The following CACNA2D1 variants were observed in gnomAD, a reference collection of about 807,000 sequenced individuals.
The protein encoded by CACNA2D1 is calcium voltage-gated channel auxiliary subunit alpha2delta 1.
Under a neutral mutation model 171.5 loss-of-function variants are expected in CACNA2D1, and 53 were observed. The ratio of observed to expected loss-of-function variants is 0.31; its 90% CI spans 0.25 to 0.39. The LOEUF is 0.39. CACNA2D1 is among the 10% of genes least tolerant of loss of function. The pLI, the probability that CACNA2D1 is intolerant of heterozygous loss-of-function variation, is 1.00. For missense variants in CACNA2D1, 903 were observed against 1,299.8 expected (o/e 0.69, Z 4.69); for synonymous variants, 442 against 443.1 (o/e 1.00, Z 0.03).
At chr7:82,366,041 C>A (rs1821661276) in intron 1 of CACNA2D1, among the ~76,000 whole-genome samples, 1 of 152,112 alleles carries the variant, frequency 6.6e-6, no homozygotes, top group Non-Finnish European at 1.5e-5. Flanking sequence ...GAAAAGGAAC[C>A]AAATGGCAAA....
At chr7:82,180,110 G>A (rs141431918) in intron 3 of CACNA2D1, among the ~76,000 whole-genome samples, 2,197 of 152,240 alleles carry the variant, frequency 0.014, 45 homozygotes, top group African/African-American at 0.049. Context: ...CACATGAACA[G>A]AGGCAAAGAG....
At chr7:82,329,594 C>T (rs886560324) in intron 3 of CACNA2D1, among the ~76,000 whole-genome samples, 7 of 152,092 alleles carry the variant, frequency 4.6e-5, no homozygotes, top group African/African-American at 1.4e-4. Flanking sequence ...TTCATTAACA[C>T]TTGCAGATAT....
chr7:81,978,753 G>GTGTGTATATA (rs145105210), intron 24 of CACNA2D1, among the ~76,000 whole-genome samples: 5 of 139,476 alleles, frequency 3.6e-5, no homozygotes, highest in East Asian at 4.3e-4. Context: ...TTTAAAAAGT[G>GTGTGTATATA]TATATATATA....
chr7:82,001,679 T>C lies in CACNA2D1; in HGVS notation c.1590+3744A>G. 1.6e-6 allele frequency: 2 copies of C among 1,271,224 alleles called. 1 individual carries two copies. Among genetic ancestry groups the C allele is most frequent in the South Asian group, 2.5e-5 (2 of 81,570 alleles). 78.7% of individuals were successfully genotyped at this position (1,271,224 alleles called of 1,614,324 possible). ...GTTACCTGGATATTGGGTCTCCTTT[T>C]TCTTAAATTAATTGTTGGTATACCT... is the stretch of plus-strand genomic sequence containing the variant. On this transcript the variant is annotated intron_variant, in intron 18 of 38. Coordinates refer to ENST00000356860, the MANE Select transcript of CACNA2D1 (RefSeq NM_000722.4).
intron 10 of CACNA2D1, among the ~76,000 whole-genome samples, chr7:82,054,214 T>G (rs1021041430): frequency 1.3e-5 from 2 of 151,886 alleles, no homozygotes; most frequent in Non-Finnish European, 2.9e-5. Context: ...AGAAATCATT[T>G]TAAAGCATTT....
chr7:82,226,621 T>C (rs1428369140), intron 3 of CACNA2D1, among the ~76,000 whole-genome samples: 1 of 152,114 alleles, frequency 6.6e-6, no homozygotes, highest in Non-Finnish European at 1.5e-5. Context: ...GGGAGCTCAT[T>C]CAATCGTGCA....
chr7:81,960,454 G>A (rs1373131353), intron 36 of CACNA2D1, among the ~76,000 whole-genome samples: 1 of 151,924 alleles, frequency 6.6e-6, no homozygotes, highest in Non-Finnish European at 1.5e-5. Context: ...ACTGCACTGG[G>A]CAACACAGAC....
At chr7:81,950,558 CTTGAAAAATA>C (rs1474361416) in intron 38 of CACNA2D1, 50 bp from the exon 39 acceptor site, 1 of 1,555,996 alleles carries the variant, frequency 6.4e-7, no homozygotes, top group Non-Finnish European at 8.7e-7. Context: ...ATCTAAAAAT[CTTGAAAAATA>C]TTTAGTAACA....
intron 10 of CACNA2D1, among the ~76,000 whole-genome samples, chr7:82,053,087 C>T (rs1401590575): frequency 1.3e-5 from 2 of 151,968 alleles, no homozygotes; most frequent in Middle Eastern, 6.8e-3. Context: ...CCCGTCTCTA[C>T]TAAAAATACA....
At chr7:82,100,036 A>T (rs1283409181) in intron 6 of CACNA2D1, among the ~76,000 whole-genome samples, 2 of 152,168 alleles carry the variant, frequency 1.3e-5, no homozygotes, top group Admixed American at 6.5e-5. Flanking sequence ...AAACCTGCAC[A>T]TCCTGCACAT....
intron 3 of CACNA2D1, among the ~76,000 whole-genome samples, chr7:82,238,970 A>G (rs1275260472): frequency 1.3e-5 from 2 of 152,074 alleles, no homozygotes; most frequent in Admixed American, 1.3e-4. Context: ...ATTGAATGAA[A>G]ATAAAATCAT....
rs765644359 is a variant in CACNA2D1, at chr7:82,005,504, AAG to A, written c.1516-9_1516-8del. On this transcript the variant is annotated splice_region_variant and splice_polypyrimidine_tract_variant and intron_variant, in intron 17 of 38. Transcript: ENST00000356860. ...AATACCCATTGGGGCACAGCTGGAAAAGAAAAAAAAAAAAAAGCTTGGATATG... is the reference window on the plus strand; with the variant it reads ...AATACCCATTGGGGCACAGCTGGAAAAAAAAAAAAAAAAAGCTTGGATATG... The A allele has an allele frequency of 3.8e-6, 6 of 1,562,088 alleles. No individual in the cohort carries two copies. Among genetic ancestry groups the A allele is most frequent in the East Asian group, 4.6e-5 (2 of 43,712 alleles).
At chr7:82,354,898 T>A (rs1297855794) in intron 1 of CACNA2D1, among the ~76,000 whole-genome samples, 3 of 152,130 alleles carry the variant, frequency 2.0e-5, no homozygotes, top group Admixed American at 6.6e-5. Flanking sequence ...CATTCTAAAT[T>A]AACAAGGACT....
chr7:82,197,755 A>G (rs1798991625), intron 3 of CACNA2D1, among the ~76,000 whole-genome samples: 1 of 152,054 alleles, frequency 6.6e-6, no homozygotes. Context: ...TAACATTTCC[A>G]AGAAGAAAAT....
chr7:82,303,138 C>T (rs574749081), intron 3 of CACNA2D1, among the ~76,000 whole-genome samples: 6 of 152,162 alleles, frequency 3.9e-5, no homozygotes, highest in Admixed American at 3.3e-4. Context: ...GGACTACAGG[C>T]GCCCGCCACC....
At chr7:82,248,491 T>C (rs915495731) in intron 3 of CACNA2D1, among the ~76,000 whole-genome samples, 1 of 152,162 alleles carries the variant, frequency 6.6e-6, no homozygotes, top group Admixed American at 6.5e-5. Context: ...ATCATGAAAA[T>C]ATGAAAGAGA....
In CACNA2D1 at chr7:82,324,314, C is replaced by T. The variant is rs538983396; in HGVS notation, c.294+10821G>A. ...TGGAGTTTGCAGTGAGCCAAGATCG[C>T]GCCATTACACTCCAGCCTGGGCAAC... On this transcript the variant is annotated intron_variant, in intron 3 of 38. Coordinates refer to ENST00000356860, the MANE Select transcript of CACNA2D1 (RefSeq NM_000722.4). Among the ~76,000 whole-genome samples, 10 of 147,690 alleles carry T rather than the reference C, an allele frequency of 6.8e-5. No individual in the cohort carries two copies. The East Asian group carries it at 8.1e-4, about 12-fold the overall frequency.
At chr7:82,336,769 A>G (rs1409640695) in intron 2 of CACNA2D1, among the ~76,000 whole-genome samples, 2 of 152,222 alleles carry the variant, frequency 1.3e-5, no homozygotes, top group African/African-American at 4.8e-5. Flanking sequence ...AAACAGATAA[A>G]CCACAACATC....
chr7:82,344,467 A>T (rs2129445282), intron 2 of CACNA2D1, among the ~76,000 whole-genome samples: 1 of 152,324 alleles, frequency 6.6e-6, no homozygotes, highest in South Asian at 2.1e-4. Flanking sequence ...ATGGGAAGGT[A>T]AAAGAAAAAA....
Sources: allele counts gnomAD v4.1 joint callset (sites outside exome capture counted in the v4.1 genomes callset), GRCh38; gene constraint gnomAD v4.1.1; transcripts MANE v1.5; gene names NCBI Gene and HGNC (gene_info 2026-07-23, HGNC 2026-07-21).